The following NKAIN3 variants were observed in gnomAD, a reference collection of about 807,000 sequenced individuals.
NKAIN3 encodes sodium/potassium transporting ATPase interacting 3, also known as sodium/potassium-transporting ATPase subunit beta-1-interacting protein 3.
A neutral mutation model predicts 30.2 loss-of-function variants in NKAIN3; 25 were observed. The ratio of observed to expected loss-of-function variants is 0.83; its 90% CI spans 0.60 to 1.16. The LOEUF (loss-of-function observed/expected upper bound fraction) is 1.16, where lower values mean the gene tolerates loss of function less well. Ranked by LOEUF, NKAIN3 falls within the 50% of genes most tolerant of loss-of-function variation. The pLI is 0.00. For missense variants in NKAIN3, 225 were observed against 254.1 expected (o/e 0.89, Z 0.78); for synonymous variants, 91 against 89.6 (o/e 1.02, Z -0.09).
intron 1 of NKAIN3, among the ~76,000 whole-genome samples, chr8:62,390,116 G>T (rs906420769): frequency 6.6e-6 from 1 of 151,952 alleles, no homozygotes; most frequent in African/African-American, 2.4e-5. Context: ...GTGTCATGGG[G>T]TTTTTTGTGC....
chr8:62,322,792 G>A (rs972553585), intron 1 of NKAIN3, among the ~76,000 whole-genome samples: 14 of 152,094 alleles, frequency 9.2e-5, no homozygotes, highest in Non-Finnish European at 1.8e-4. Flanking sequence ...ACTCCAAAAC[G>A]TAACTGATAA....
chr8:62,513,170 T>C (rs1300312164), intron 1 of NKAIN3, among the ~76,000 whole-genome samples: 2 of 152,070 alleles, frequency 1.3e-5, no homozygotes, highest in East Asian at 3.9e-4. Flanking sequence ...TTTGCTTTCC[T>C]AGAAGACAGC....
intron 1 of NKAIN3, among the ~76,000 whole-genome samples, chr8:62,325,425 T>TTG (rs1563934371): frequency 6.6e-6 from 1 of 152,152 alleles, no homozygotes; most frequent in African/African-American, 2.4e-5. Context: ...CAATTGTGAA[T>TTG]TGTGCTGCTA....
intron 4 of NKAIN3, among the ~76,000 whole-genome samples, chr8:62,859,466 T>C (rs1820170700): frequency 7.5e-6 from 1 of 132,590 alleles, no homozygotes; most frequent in African/African-American, 2.7e-5. Flanking sequence ...TCCTATCTAT[T>C]CTTAGTAACC....
chr8:62,512,646 A>G (rs1164735329), intron 1 of NKAIN3, among the ~76,000 whole-genome samples: 1 of 152,162 alleles, frequency 6.6e-6, no homozygotes, highest in African/African-American at 2.4e-5. Flanking sequence ...AAGGAGGCAC[A>G]TTGAACACTT....
intron 1 of NKAIN3, among the ~76,000 whole-genome samples, chr8:62,371,003 C>T (rs1816890815): frequency 6.6e-6 from 1 of 151,886 alleles, no homozygotes. Flanking sequence ...TAAACATAAG[C>T]AGATAAACAT....
chr8:62,788,604 T>C (rs2130667411), intron 4 of NKAIN3, among the ~76,000 whole-genome samples: 1 of 152,314 alleles, frequency 6.6e-6, no homozygotes, highest in East Asian at 1.9e-4. Context: ...CATGAAGTCC[T>C]TGCCCATGCC....
rs1824101227 is a variant in NKAIN3 at position 62,982,303 on chromosome 8, T to C, written c.*16896T>C. The C allele has an allele frequency of 6.6e-6, 1 of 152,204 alleles. No homozygotes were observed. The highest frequency in any genetic ancestry group is 6.5e-5 in the Admixed American group (1 of 15,284). 9.4% of individuals were successfully genotyped at this position (152,204 alleles called of 1,614,324 possible). On this transcript the variant is annotated 3_prime_UTR_variant, in exon 7 of 7. Coordinates refer to ENST00000623646, the MANE Select transcript of NKAIN3 (RefSeq NM_001304533.3). The stretch of plus-strand genomic sequence containing the variant: ...CTACTTAAATAAGATCTTATTTTCA[T>C]CTGCTGGAAAACTTTTTCTGATAAC...
chr8:62,802,384 C>G (rs1818099465), intron 4 of NKAIN3, among the ~76,000 whole-genome samples: 1 of 152,148 alleles, frequency 6.6e-6, no homozygotes, highest in South Asian at 2.1e-4. Flanking sequence ...GTTGGGTTAC[C>G]CACAAAGGGA....
At chr8:62,884,854 T>C (rs2130818089) in intron 4 of NKAIN3, among the ~76,000 whole-genome samples, 1 of 152,268 alleles carries the variant, frequency 6.6e-6, no homozygotes, top group African/African-American at 2.4e-5. Flanking sequence ...GTAATTTGTG[T>C]CTTCTCCCTT....
chr8:62,343,482 A>G (rs1388338320), intron 1 of NKAIN3, among the ~76,000 whole-genome samples: 1 of 152,042 alleles, frequency 6.6e-6, no homozygotes, highest in African/African-American at 2.4e-5. Context: ...TCAGTTGAAC[A>G]TCTTATTTAA....
chr8:62,644,117 G>C (rs1812389026), intron 3 of NKAIN3, among the ~76,000 whole-genome samples: 2 of 151,996 alleles, frequency 1.3e-5, no homozygotes, highest in African/African-American at 4.8e-5. Flanking sequence ...AGGCTGCTGG[G>C]GTCCCTTGAC....
chr8:62,863,878 G>T (rs977147920), intron 4 of NKAIN3: 2 of 1,476,360 alleles, frequency 1.4e-6, no homozygotes, highest in African/African-American at 1.4e-5. Context: ...AGTCCGCAGG[G>T]TCCTCTTGCT....
intron 4 of NKAIN3, among the ~76,000 whole-genome samples, chr8:62,866,443 T>C (rs1371469125): frequency 1.3e-5 from 2 of 152,146 alleles, no homozygotes; most frequent in Admixed American, 6.5e-5. Context: ...GTTGAGAAAA[T>C]GATTTTCCCT....
chr8:62,268,089 TAGTTGC>T (rs1812662489), intron 1 of NKAIN3, among the ~76,000 whole-genome samples: 1 of 152,066 alleles, frequency 6.6e-6, no homozygotes, highest in Non-Finnish European at 1.5e-5. Flanking sequence ...AAGGAAGAAA[TAGTTGC>T]TGGGTTGGGA....
intron 3 of NKAIN3, among the ~76,000 whole-genome samples, chr8:62,694,719 C>A (rs1814097284): frequency 6.6e-6 from 1 of 152,124 alleles, no homozygotes; most frequent in Non-Finnish European, 1.5e-5. Flanking sequence ...TAGTTCCTGA[C>A]CCATCCAGCA....
At chr8:62,879,165 C>T (rs561318716) in intron 4 of NKAIN3, among the ~76,000 whole-genome samples, 1 of 152,310 alleles carries the variant, frequency 6.6e-6, no homozygotes, top group Admixed American at 6.5e-5. Flanking sequence ...ACATCCTCTC[C>T]AGCATCTGTT....
intron 1 of NKAIN3, among the ~76,000 whole-genome samples, chr8:62,466,223 G>T (rs978772459): frequency 6.6e-6 from 1 of 151,982 alleles, no homozygotes; most frequent in East Asian, 1.9e-4. Flanking sequence ...ATTTGAAAAA[G>T]CAAGTCAATT....
chr8:62,605,380 A>G (rs1215103362), intron 3 of NKAIN3, among the ~76,000 whole-genome samples: 1 of 151,926 alleles, frequency 6.6e-6, no homozygotes, highest in Non-Finnish European at 1.5e-5. Flanking sequence ...AATGTGTTCA[A>G]GCCATTGTCT....
Sources: gnomAD v4.1 joint callset for allele counts (sites outside exome capture counted in the v4.1 genomes callset) on GRCh38, gnomAD v4.1.1 for gene constraint, MANE v1.5 for transcripts, NCBI Gene and HGNC (gene_info 2026-07-23, HGNC 2026-07-21) for gene names.